The following ZNF565 variants were observed in gnomAD, a reference collection of about 807,000 sequenced individuals.
The protein encoded by ZNF565 is zinc finger protein 565.
Under a neutral mutation model 39.4 loss-of-function variants are expected in ZNF565, and 27 were observed. That is an observed-to-expected ratio of 0.69 (90% CI 0.51 to 0.95). ZNF565 has a LOEUF of 0.95. Among genes scored for constraint, ZNF565 ranks in the 40% least tolerant of loss-of-function variants. The pLI is 0.00. For synonymous variants in ZNF565, 185 were observed against 216.6 expected, an observed-to-expected ratio of 0.85 and a Z score of 1.28; for missense variants, 524 against 621.1, an observed-to-expected ratio of 0.84 and a Z score of 1.66.
At chr19:36,193,734 G>A (rs1472225383) in intron 4 of ZNF565, among the ~76,000 whole-genome samples, 1 of 152,042 alleles carries the variant, frequency 6.6e-6, no homozygotes, top group African/African-American at 2.4e-5. Context: ...GAGCCACTGC[G>A]CCCGGCCAAA....
intron 4 of ZNF565, among the ~76,000 whole-genome samples, chr19:36,184,918 G>C (rs1312068918): frequency 6.6e-6 from 1 of 152,050 alleles, no homozygotes; most frequent in Admixed American, 6.6e-5. Context: ...AGGAGTTCAA[G>C]ACCAGCCTGG....
intron 1 of ZNF565, among the ~76,000 whole-genome samples, chr19:36,227,667 A>G (rs1418877634): frequency 6.6e-6 from 1 of 151,950 alleles, no homozygotes. Flanking sequence ...TCATCCTCCC[A>G]CCTCAGCCTC....
chr19:36,240,414 C>G (rs1482385256), intron 1 of ZNF565, among the ~76,000 whole-genome samples: 1 of 151,852 alleles, frequency 6.6e-6, no homozygotes, highest in Non-Finnish European at 1.5e-5. Context: ...GAGACCCTGT[C>G]GAAAACAAAC....
At chr19:36,188,380 G>A (rs1429436311) in intron 4 of ZNF565, among the ~76,000 whole-genome samples, 5 of 146,344 alleles carry the variant, frequency 3.4e-5, no homozygotes, top group Non-Finnish European at 6.0e-5. Flanking sequence ...AAGAGAGAGA[G>A]AAAAAAAAAT....
At chr19:36,241,281 C>T (rs937950583) in intron 1 of ZNF565, among the ~76,000 whole-genome samples, 47 of 150,898 alleles carry the variant, frequency 3.1e-4, no homozygotes, top group African/African-American at 9.3e-4. Context: ...GTCAGGAGTT[C>T]GAGACCAGCC....
At chr19:36,230,990 G>C (rs1977333870) in intron 1 of ZNF565, among the ~76,000 whole-genome samples, 1 of 151,758 alleles carries the variant, frequency 6.6e-6, no homozygotes, top group Non-Finnish European at 1.5e-5. Context: ...TAGTAGAGTC[G>C]AGGTTTCACC....
intron 1 of ZNF565, among the ~76,000 whole-genome samples, chr19:36,227,874 A>C: frequency 6.6e-6 from 1 of 152,164 alleles, no homozygotes; most frequent in East Asian, 1.9e-4. Context: ...TCTAATATGA[A>C]ATAGGACACG....
Position 36,232,609 on chromosome 19 carries a change from CTTTTTT to C in ZNF565, c.55+12861_55+12866del, listed in dbSNP as rs548903056. Among the ~76,000 whole-genome samples the C allele has an allele frequency of 1.6e-4, 23 of 140,084 alleles. No homozygotes were observed. In the East Asian group the frequency reaches 4.3e-3, roughly 26 times the overall value. The allele number at this position is 140,084 out of a possible 152,430, so 91.9% of individuals were successfully genotyped here. A position where few individuals can be genotyped will look rare whatever the true frequency, so the allele number is the denominator to read the frequency against. On this transcript the variant is annotated intron_variant, in intron 1 of 4. Transcript: ENST00000355114. ...ACTGATCAGTTCTTTTTTCTTTTTT[CTTTTTT>C]TTTTTTTTCCCGAGACATAGTCTCC...
chr19:36,197,734 T>C (rs1975817210), intron 2 of ZNF565, among the ~76,000 whole-genome samples: 2 of 152,160 alleles, frequency 1.3e-5, no homozygotes. Context: ...TTGTACACTT[T>C]GTTGGGAATG....
At chr19:36,241,150 A>G (rs1283974033) in intron 1 of ZNF565, among the ~76,000 whole-genome samples, 2 of 152,212 alleles carry the variant, frequency 1.3e-5, no homozygotes, top group African/African-American at 4.8e-5. Flanking sequence ...CTGATTTTCA[A>G]CTAGAATGCC....
At chr19:36,222,104 T>A (rs927289814) in intron 1 of ZNF565, among the ~76,000 whole-genome samples, 3 of 151,956 alleles carry the variant, frequency 2.0e-5, no homozygotes, top group African/African-American at 7.3e-5. Flanking sequence ...TTTTTTACTT[T>A]TTGTAGAGAT....
rs1201150365 is a variant in ZNF565, at chr19:36,236,485, C to G, written c.55+8991G>C. The G allele has an allele frequency of 1.9e-6, 3 of 1,613,330 alleles. No homozygotes were observed. In the East Asian group the frequency reaches 6.7e-5, roughly 36 times the overall value. ...AGAGAATTTACAGTGGGGAAAACCC[C>G]TTTGCCTGTAAGGTATGTGGAAAAG... On this transcript the variant is annotated intron_variant, in intron 1 of 4. Coordinates refer to the ZNF565 transcript ENST00000355114.
chr19:36,211,843 G>T (rs901218433), intron 1 of ZNF565, among the ~76,000 whole-genome samples: 1 of 151,762 alleles, frequency 6.6e-6, no homozygotes, highest in African/African-American at 2.4e-5. Flanking sequence ...AGTGATGATG[G>T]AAACAAACCC....
At chr19:36,217,061 T>TTTTTTTC (rs1397666957), upstream of ZNF565, among the ~76,000 whole-genome samples, 7 of 130,286 alleles carry the variant, frequency 5.4e-5, no homozygotes, top group African/African-American at 2.0e-4. Flanking sequence ...CTGTCTTTTT[T>TTTTTTTC]TTTTTTTTTT....
At chr19:36,216,043 G>A (rs891077076), upstream of ZNF565, among the ~76,000 whole-genome samples, 1 of 151,988 alleles carries the variant, frequency 6.6e-6, no homozygotes, top group African/African-American at 2.4e-5. Context: ...AAATCACCCC[G>A]CCCCCGCTGT....
At chr19:36,244,194 C>G (rs1372608577) in intron 1 of ZNF565, among the ~76,000 whole-genome samples, 1 of 152,156 alleles carries the variant, frequency 6.6e-6, no homozygotes, top group Non-Finnish European at 1.5e-5. Flanking sequence ...TTCTTGCCAC[C>G]TCACCACAAA....
intron 1 of ZNF565, chr19:36,237,338 G>C: frequency 6.4e-7 from 1 of 1,563,868 alleles, no homozygotes; most frequent in East Asian, 2.3e-5. Context: ...TGAAAGCCTT[G>C]AAAGTGGGAA....
chr19:36,245,608 C>A lies in ZNF565; in HGVS notation c.-78G>T. 7.1e-6 allele frequency: 5 copies of A among 700,946 alleles called. No homozygotes were observed. The highest frequency in any genetic ancestry group is 1.3e-5 in the Non-Finnish European group (5 of 383,870). 43.4% of individuals were successfully genotyped at this position (700,946 alleles called of 1,614,324 possible). On this transcript the variant is annotated 5_prime_UTR_variant, in exon 1 of 5. Transcript: ENST00000355114. The surrounding 1 kb of genome is among the most constrained non-coding windows in gnomAD (Gnocchi z 4.4). The stretch of plus-strand genomic sequence containing the variant: ...GGAGGAGGCTTGAGATGCAGCCTCC[C>A]AGCTTCGAGGCTACCACCTGCCCGA...
intron 1 of ZNF565, among the ~76,000 whole-genome samples, chr19:36,202,974 C>T (rs1976018314): frequency 6.6e-6 from 1 of 152,144 alleles, no homozygotes; most frequent in Non-Finnish European, 1.5e-5. Context: ...AACTCAATTT[C>T]TAGAAGTCTC....
Sources: gnomAD v4.1 joint callset for allele counts (sites outside exome capture counted in the v4.1 genomes callset) on GRCh38, gnomAD v4.1.1 for gene constraint, Gnocchi (gnomAD v3.1) non-coding constraint, MANE v1.5 for transcripts, NCBI Gene and HGNC (gene_info 2026-07-23, HGNC 2026-07-21) for gene names.